Variants in SNTG2 observed in about 807,000 individuals in gnomAD.
SNTG2 encodes syntrophin gamma 2.
SNTG2 carries 74 observed loss-of-function variants against 70.9 expected under a neutral mutation model. That is an observed-to-expected ratio of 1.04 (90% CI 0.86 to 1.27). SNTG2 has a LOEUF of 1.27. Ranked by LOEUF, SNTG2 falls within the 50% of genes most tolerant of loss-of-function variation. The pLI, the probability that SNTG2 is intolerant of heterozygous loss-of-function variation, is 0.00. For missense variants in SNTG2, 717 were observed against 690.7 expected (o/e 1.04, Z -0.43); for synonymous variants, 278 against 273.8 (o/e 1.02, Z -0.15).
rs369986182 is a variant in SNTG2, at chr2:1,252,675, G to T, written c.1005+5232G>T. Reference sequence around the variant, plus strand: ...GAGGCCTATTAATGCTTGGCGGTGGGCTGAGTGTTTTGCAGAGGTCATCAA... The same window carrying T: ...GAGGCCTATTAATGCTTGGCGGTGGTCTGAGTGTTTTGCAGAGGTCATCAA... On this transcript the variant is annotated intron_variant, in intron 12 of 16. Transcript: ENST00000308624. Among the ~76,000 whole-genome samples the T allele has an allele frequency of 5.1e-4, 78 of 152,220 alleles. 4 individuals carry two copies. In the South Asian group the frequency reaches 0.016, roughly 31 times the overall value.
chr2:974,535 T>C (rs954482119), intron 1 of SNTG2, among the ~76,000 whole-genome samples: 1 of 152,208 alleles, frequency 6.6e-6, no homozygotes, highest in Non-Finnish European at 1.5e-5. Context: ...TTGGGTGTCC[T>C]CCCTGCCTCA....
chr2:953,634 T>C (rs1297456874), intron 1 of SNTG2, among the ~76,000 whole-genome samples: 1 of 152,260 alleles, frequency 6.6e-6, no homozygotes, highest in African/African-American at 2.4e-5. Context: ...AGAATTTCTA[T>C]TGACGTCTAT....
intron 16 of SNTG2, among the ~76,000 whole-genome samples, chr2:1,328,342 T>C (rs1681844385): frequency 6.6e-6 from 1 of 152,126 alleles, no homozygotes; most frequent in African/African-American, 2.4e-5. Context: ...CGTGTACCTG[T>C]GTATGTATCT....
chr2:1,281,335 G>GGTGGTATGTGTGTGCTTGTGTATT, intron 14 of SNTG2, among the ~76,000 whole-genome samples: 2 of 135,698 alleles, frequency 1.5e-5, no homozygotes, highest in African/African-American at 5.7e-5. Flanking sequence ...GTGTGTGTGT[G>GGTGGTATGTGTGTGCTTGTGTATT]TGGTGGTATG....
At chr2:1,031,528 A>ATTT (rs745388505) in intron 1 of SNTG2, among the ~76,000 whole-genome samples, 4 of 59,110 alleles carry the variant, frequency 6.8e-5, no homozygotes, top group African/African-American at 3.3e-4. Flanking sequence ...ATATATATAT[A>ATTT]TTTTTTTTTT....
chr2:1,266,768 TGAGACAGG>T (rs1553375865), intron 13 of SNTG2, among the ~76,000 whole-genome samples: 20 of 150,180 alleles, frequency 1.3e-4, no homozygotes, highest in East Asian at 3.9e-4. Flanking sequence ...TTTTTTTTCT[TGAGACAGG>T]GTTTCCCTCT....
chr2:1,278,920 A>ACGCGAATCACCCCTGTCCGTG (rs1679383905), intron 14 of SNTG2, among the ~76,000 whole-genome samples: 1 of 135,804 alleles, frequency 7.4e-6, no homozygotes, highest in South Asian at 2.5e-4. Flanking sequence ...TCCCCCCGGG[A>ACGCGAATCACCCCTGTCCGTG]CGCGAATCAC....
chr2:963,340 G>A (rs1473774240), intron 1 of SNTG2, among the ~76,000 whole-genome samples: 1 of 151,764 alleles, frequency 6.6e-6, no homozygotes, highest in Non-Finnish European at 1.5e-5. Context: ...GATAAGAAAG[G>A]CAGCATGCTC....
At position 1,353,173 on chromosome 2, in the gene SNTG2, G is replaced by A. The variant is rs1015502953; in HGVS notation, c.1489-14170G>A. ...GGGAGCACATATACCTCAGCAGTGA[G>A]CAAAGGCTGCACATCAGGCCCCCTC... is the stretch of plus-strand genomic sequence containing the variant. On this transcript the variant is annotated intron_variant, in intron 16 of 16. Coordinates refer to ENST00000308624, the MANE Select transcript of SNTG2 (RefSeq NM_018968.4). The surrounding 1 kb of genome is among the most constrained non-coding windows in gnomAD (Gnocchi z 4.2). Among the ~76,000 whole-genome samples the A allele has an allele frequency of 2.0e-5, 3 of 152,136 alleles. No homozygotes were observed. The East Asian group carries it at 5.8e-4, about 29-fold the overall frequency.
rs961660317 is a variant in SNTG2 at position 1,291,271 on chromosome 2, T to A, written c.1285-17223T>A. ...CTAGACATCAACCCCTTAATAGATA[T>A]ATGATTTACAAACTTTCACATTCTC... On this transcript the variant is annotated intron_variant, in intron 14 of 16. Coordinates refer to ENST00000308624, the MANE Select transcript of SNTG2 (RefSeq NM_018968.4). 6.4e-4 allele frequency among the ~76,000 whole-genome samples: 97 copies of A among 152,334 alleles called. 1 individual carries two copies. Among genetic ancestry groups the A allele is most frequent in the African/African-American group, 2.3e-3 (95 of 41,580 alleles).
chr2:1,364,500 T>A (rs111694701), intron 16 of SNTG2, among the ~76,000 whole-genome samples: 63,765 of 150,712 alleles, frequency 0.42, 13,613 homozygotes, highest in Middle Eastern at 0.49. Flanking sequence ...CTCACGCCTG[T>A]AATCCCAGCA....
intron 16 of SNTG2, among the ~76,000 whole-genome samples, chr2:1,338,319 T>G (rs1659918885): frequency 6.6e-6 from 1 of 152,218 alleles, no homozygotes; most frequent in African/African-American, 2.4e-5. Context: ...TTCCAACCCA[T>G]AAATATGGGA....
At chr2:1,294,598 A>G (rs1680123546) in intron 14 of SNTG2, among the ~76,000 whole-genome samples, 2 of 152,158 alleles carry the variant, frequency 1.3e-5, no homozygotes, top group South Asian at 2.1e-4. Flanking sequence ...GCAGAAAGGA[A>G]CTCACTCTCT....
At chr2:1,183,369 G>A (rs1295203944) in intron 8 of SNTG2, among the ~76,000 whole-genome samples, 2 of 152,038 alleles carry the variant, frequency 1.3e-5, no homozygotes, top group Non-Finnish European at 2.9e-5. Flanking sequence ...TGTCTGCTCA[G>A]GAGTGCAGTT....
intron 1 of SNTG2, among the ~76,000 whole-genome samples, chr2:1,009,557 A>G (rs1424050291): frequency 7.2e-6 from 1 of 138,508 alleles, no homozygotes; most frequent in African/African-American, 2.7e-5. Context: ...GCTGGTTCTG[A>G]TACTGGTGTG....
At chr2:1,187,372 T>A (rs1287650263) in intron 8 of SNTG2, among the ~76,000 whole-genome samples, 2 of 152,122 alleles carry the variant, frequency 1.3e-5, no homozygotes, top group Non-Finnish European at 2.9e-5. Context: ...GTGGGCCTCG[T>A]CCAATCAGTT....
At chr2:964,996 T>TGC (rs1491300164) in intron 1 of SNTG2, among the ~76,000 whole-genome samples, 1 of 10,396 alleles carries the variant, frequency 9.6e-5, no homozygotes, top group Non-Finnish European at 2.1e-4. Flanking sequence ...CTTGGCCACC[T>TGC]TTGCTTTTCC....
At chr2:1,046,814 G>A (rs1460548363) in intron 1 of SNTG2, among the ~76,000 whole-genome samples, 8 of 152,058 alleles carry the variant, frequency 5.3e-5, no homozygotes, top group Admixed American at 6.6e-5. Flanking sequence ...TGACCTTGGA[G>A]AATCTGATGA....
intron 11 of SNTG2, among the ~76,000 whole-genome samples, chr2:1,244,424 C>A (rs1279108195): frequency 6.6e-6 from 1 of 151,910 alleles, no homozygotes; most frequent in Non-Finnish European, 1.5e-5. Context: ...AGGCCGGGCG[C>A]GGGGGCTCAC....
Sources: gnomAD v4.1 joint callset for allele counts (sites outside exome capture counted in the v4.1 genomes callset) on GRCh38, gnomAD v4.1.1 for gene constraint, Gnocchi (gnomAD v3.1) non-coding constraint, MANE v1.5 for transcripts, NCBI Gene and HGNC (gene_info 2026-07-23, HGNC 2026-07-21) for gene names.